SCLT1: variants seen among roughly 807,000 people sequenced by gnomAD.
The protein encoded by SCLT1 is sodium channel-associated protein 1.
SCLT1 carries 78 observed loss-of-function variants against 112.8 expected under a neutral mutation model. That is an observed-to-expected ratio of 0.69 (90% CI 0.58 to 0.83). The LOEUF is 0.83. Ranked by LOEUF, SCLT1 falls within the 40% of genes least tolerant of loss-of-function variation. The pLI is 0.00. For synonymous variants in SCLT1, 257 were observed against 254.7 expected (o/e 1.01, Z -0.09); for missense variants, 747 against 770.4 (o/e 0.97, Z 0.36).
chr4:128,907,141 G>A (rs1194081526), intron 18 of SCLT1, among the ~76,000 whole-genome samples: 1 of 151,566 alleles, frequency 6.6e-6, no homozygotes, highest in Admixed American at 6.6e-5. Context: ...GGAGGTGGGG[G>A]TGGGAGTGAG....
At chr4:128,918,579 T>C (rs1252867942) in intron 18 of SCLT1, among the ~76,000 whole-genome samples, 1 of 152,172 alleles carries the variant, frequency 6.6e-6, no homozygotes, top group Non-Finnish European at 1.5e-5. Flanking sequence ...AACCTCCACA[T>C]ACCAATATTA....
At chr4:129,024,329 C>T (rs960864913) in intron 5 of SCLT1, among the ~76,000 whole-genome samples, 3 of 152,128 alleles carry the variant, frequency 2.0e-5, no homozygotes, top group African/African-American at 4.8e-5. Flanking sequence ...CTCACATGGC[C>T]GGGTACTCCT....
At chr4:128,911,384 T>C (rs1042566933) in intron 18 of SCLT1, among the ~76,000 whole-genome samples, 2 of 152,326 alleles carry the variant, frequency 1.3e-5, no homozygotes, top group Middle Eastern at 3.4e-3. Flanking sequence ...GTAAAACAGC[T>C]TCTTCTTTGA....
chr4:128,916,270 T>C (rs943059498), intron 18 of SCLT1, among the ~76,000 whole-genome samples: 10 of 152,330 alleles, frequency 6.6e-5, no homozygotes, highest in South Asian at 2.1e-4. Context: ...AAAGCAAGTA[T>C]ATAAAATATT....
intron 2 of SCLT1, among the ~76,000 whole-genome samples, chr4:129,080,819 G>C (rs1165137778): frequency 6.6e-6 from 1 of 152,160 alleles, no homozygotes; most frequent in Admixed American, 6.6e-5. Flanking sequence ...AAACATCTGA[G>C]ACTGGGTAAT....
chr4:128,946,189 A>C (rs1440909465), intron 15 of SCLT1, 37 bp from the exon 16 acceptor site: 1 of 1,423,776 alleles, frequency 7.0e-7, no homozygotes, highest in African/African-American at 1.4e-5. Flanking sequence ...AATATTACAG[A>C]AGAAACTGTC....
At chr4:128,882,913 G>A (rs1197651327), downstream of SCLT1, among the ~76,000 whole-genome samples, 2 of 152,186 alleles carry the variant, frequency 1.3e-5, no homozygotes, top group African/African-American at 2.4e-5. Flanking sequence ...TCGGGAGGCC[G>A]AGGCGGGCAG....
At chr4:128,990,896 G>T (rs1366535816) in intron 9 of SCLT1, among the ~76,000 whole-genome samples, 3 of 149,968 alleles carry the variant, frequency 2.0e-5, no homozygotes, top group Non-Finnish European at 4.5e-5. Flanking sequence ...AACTCTAAAA[G>T]AAAACTATAA....
intron 11 of SCLT1, among the ~76,000 whole-genome samples, chr4:128,962,401 G>A (rs886868569): frequency 2.0e-5 from 3 of 152,106 alleles, no homozygotes; most frequent in African/African-American, 7.2e-5. Context: ...TTACAGAATT[G>A]TTGGTCCACT....
At chr4:129,008,649 AT>A (rs1419098742) in intron 5 of SCLT1, among the ~76,000 whole-genome samples, 1 of 151,830 alleles carries the variant, frequency 6.6e-6, no homozygotes, top group Non-Finnish European at 1.5e-5. Flanking sequence ...TTCTTTTTAA[AT>A]TTTTTTGAAT....
intron 6 of SCLT1, among the ~76,000 whole-genome samples, 169 bp from the exon 7 acceptor site, chr4:128,999,963 ATAATT>A: frequency 6.6e-6 from 1 of 152,080 alleles, no homozygotes; most frequent in African/African-American, 2.4e-5. Context: ...TTTATTATTA[ATAATT>A]TAGAGAGTAA....
At chr4:128,988,104 G>C (rs911122784) in intron 9 of SCLT1, among the ~76,000 whole-genome samples, 1 of 152,008 alleles carries the variant, frequency 6.6e-6, no homozygotes, top group Non-Finnish European at 1.5e-5. Context: ...ATGTTTATTA[G>C]TAACAAGAAA....
intron 18 of SCLT1, among the ~76,000 whole-genome samples, chr4:128,924,165 A>G (rs1427187120): frequency 2.0e-5 from 3 of 152,078 alleles, no homozygotes; most frequent in Non-Finnish European, 4.4e-5. Flanking sequence ...AAAAAAATCA[A>G]GTACTTTGTC....
chr4:128,921,694 C>T (rs554612088), intron 18 of SCLT1, among the ~76,000 whole-genome samples: 38 of 152,160 alleles, frequency 2.5e-4, no homozygotes, highest in African/African-American at 8.7e-4. Context: ...TACAAAAACC[C>T]AGAAAGATAA....
intron 2 of SCLT1, among the ~76,000 whole-genome samples, chr4:129,046,816 T>C (rs1400444654): frequency 2.0e-5 from 3 of 152,108 alleles, no homozygotes; most frequent in African/African-American, 7.2e-5. Flanking sequence ...TTCCACATCT[T>C]TGTCAACACT....
At chr4:128,899,967 A>C (rs1734130351) in intron 18 of SCLT1, among the ~76,000 whole-genome samples, 1 of 152,204 alleles carries the variant, frequency 6.6e-6, no homozygotes, top group African/African-American at 2.4e-5. Context: ...CCAACTTATA[A>C]GGGATGTGAA....
chr4:129,030,377 C>T (rs1387286937), intron 5 of SCLT1, among the ~76,000 whole-genome samples: 1 of 152,118 alleles, frequency 6.6e-6, no homozygotes, highest in African/African-American at 2.4e-5. Flanking sequence ...CTAAAATCAA[C>T]ACCCTAACAT....
At chr4:128,890,198 G>C (rs1420047004) in intron 19 of SCLT1, among the ~76,000 whole-genome samples, 1 of 152,116 alleles carries the variant, frequency 6.6e-6, no homozygotes, top group Non-Finnish European at 1.5e-5. Flanking sequence ...TACCATAATG[G>C]TTGAGGAACA....
At chr4:129,062,380 C>T (rs1488616535) in intron 2 of SCLT1, among the ~76,000 whole-genome samples, 7 of 152,092 alleles carry the variant, frequency 4.6e-5, no homozygotes, top group African/African-American at 1.7e-4. Context: ...GGCTATCTTG[C>T]AGATGTCACT....
Sources: gnomAD v4.1 joint callset for allele counts (sites outside exome capture counted in the v4.1 genomes callset) on GRCh38, gnomAD v4.1.1 for gene constraint, MANE v1.5 for transcripts, NCBI Gene and HGNC (gene_info 2026-07-23, HGNC 2026-07-21) for gene names.